The following SYNPO2 variants were observed in gnomAD, a reference collection of about 807,000 sequenced individuals.
SYNPO2 encodes synaptopodin 2.
A neutral mutation model predicts 85.0 loss-of-function variants in SYNPO2; 56 were observed. The observed-to-expected ratio is 0.66, with a 90% CI of 0.53 to 0.82. SYNPO2 has a LOEUF of 0.82. SYNPO2 is among the 40% of genes least tolerant of loss of function. The pLI is 0.00. For synonymous variants in SYNPO2, 602 were observed against 591.1 expected, an observed-to-expected ratio of 1.02 and a Z score of -0.27; for missense variants, 1,575 against 1,534.2, an observed-to-expected ratio of 1.03 and a Z score of -0.44.
At chr4:118,906,678 A>G (rs143938165) in intron 1 of SYNPO2, among the ~76,000 whole-genome samples, 2,649 of 152,212 alleles carry the variant, frequency 0.017, 77 homozygotes, top group African/African-American at 0.061. Context: ...TATAATTTGT[A>G]TCTTTGTTTA....
At chr4:118,905,294 A>G (rs769055752) in intron 1 of SYNPO2, among the ~76,000 whole-genome samples, 20 of 152,026 alleles carry the variant, frequency 1.3e-4, no homozygotes, top group Non-Finnish European at 1.0e-4. Flanking sequence ...CTCTCTATTC[A>G]CTGCTCCTAT....
intron 3 of SYNPO2, among the ~76,000 whole-genome samples, chr4:119,028,299 A>G (rs189548326): frequency 5.4e-4 from 81 of 150,846 alleles, no homozygotes; most frequent in Middle Eastern, 3.4e-3. Flanking sequence ...ACTTGACTGT[A>G]TATATGATAC....
intron 1 of SYNPO2, among the ~76,000 whole-genome samples, chr4:118,986,178 C>T (rs987892462): frequency 1.3e-5 from 2 of 152,090 alleles, no homozygotes; most frequent in Non-Finnish European, 2.9e-5. Flanking sequence ...ATATTTAAAC[C>T]CACCCTATGG....
intron 3 of SYNPO2, among the ~76,000 whole-genome samples, chr4:119,027,759 T>C (rs1738035091): frequency 6.6e-6 from 1 of 152,178 alleles, no homozygotes; most frequent in Non-Finnish European, 1.5e-5. Context: ...ATAGTTCATG[T>C]TAAAATAGCA....
chr4:118,866,804 C>T (rs1287639048), intron 1 of SYNPO2, among the ~76,000 whole-genome samples: 1 of 152,154 alleles, frequency 6.6e-6, no homozygotes, highest in Non-Finnish European at 1.5e-5. Flanking sequence ...CCTTCAGCCA[C>T]GACTGTAGGT....
At chr4:119,012,393 T>TTTTTATTTTA (rs1553946399) in intron 1 of SYNPO2, among the ~76,000 whole-genome samples, 2 of 130,816 alleles carry the variant, frequency 1.5e-5, no homozygotes, top group Admixed American at 8.0e-5. Flanking sequence ...TTTTTTTTTT[T>TTTTTATTTTA]ATTTTACTTT....
intron 4 of SYNPO2, chr4:119,035,396 C>G: frequency 1.0e-6 from 1 of 985,372 alleles, no homozygotes; most frequent in Non-Finnish European, 1.2e-6. Context: ...TGAGCATTGC[C>G]ACTTTAATCT....
chr4:118,887,100 C>T (rs1732211687), upstream of SYNPO2, among the ~76,000 whole-genome samples: 1 of 151,970 alleles, frequency 6.6e-6, no homozygotes, highest in African/African-American at 2.4e-5. Flanking sequence ...CCTCTGGTTT[C>T]CTGCCACATC....
At chr4:119,044,682 C>T (rs1037059322) in intron 4 of SYNPO2, among the ~76,000 whole-genome samples, 3 of 151,944 alleles carry the variant, frequency 2.0e-5, no homozygotes, top group African/African-American at 7.3e-5. Context: ...TGTTTTTGAC[C>T]AGGAAAACAT....
intron 1 of SYNPO2, among the ~76,000 whole-genome samples, chr4:118,907,507 C>T (rs1732977368): frequency 1.3e-5 from 2 of 152,118 alleles, no homozygotes; most frequent in African/African-American, 4.8e-5. Context: ...TTCATCTATT[C>T]CTTAAACCGC....
intron 1 of SYNPO2, among the ~76,000 whole-genome samples, chr4:118,928,562 A>G (rs948424898): frequency 1.3e-5 from 2 of 152,186 alleles, no homozygotes; most frequent in African/African-American, 4.8e-5. Flanking sequence ...TGGCACCCAC[A>G]TATTTGCAGT....
chr4:118,978,929 T>C (rs1735897841), intron 1 of SYNPO2, among the ~76,000 whole-genome samples: 1 of 152,128 alleles, frequency 6.6e-6, no homozygotes, highest in Admixed American at 6.6e-5. Flanking sequence ...TTGAATTGAA[T>C]TCTGCTTTTC....
chr4:118,900,703 C>CTCTCTATATATATATATA (rs1277981772), intron 1 of SYNPO2, among the ~76,000 whole-genome samples: 23 of 43,844 alleles, frequency 5.2e-4, no homozygotes, highest in Non-Finnish European at 1.0e-3. Flanking sequence ...CTCTCTCTCT[C>CTCTCTATATATATATATA]TATATATATA....
intron 1 of SYNPO2, among the ~76,000 whole-genome samples, chr4:118,969,418 GT>G (rs1735446783): frequency 8.6e-6 from 1 of 116,166 alleles, no homozygotes; most frequent in Non-Finnish European, 1.9e-5. Flanking sequence ...AAAAAAGTAC[GT>G]TTCTCTCCCG....
intron 1 of SYNPO2, among the ~76,000 whole-genome samples, chr4:118,851,982 G>A (rs1731427875): frequency 6.6e-6 from 1 of 152,130 alleles, no homozygotes. Context: ...TTGCAATGTG[G>A]AATCTGAAAC....
At chr4:119,027,616 G>A (rs1578657075) in intron 3 of SYNPO2, among the ~76,000 whole-genome samples, 178 bp downstream of exon 3, 1 of 152,148 alleles carries the variant, frequency 6.6e-6, no homozygotes, top group African/African-American at 2.4e-5. Context: ...TTTCTAAATA[G>A]GAAGCAATAA....
intron 1 of SYNPO2, among the ~76,000 whole-genome samples, chr4:119,005,213 C>T (rs1464891272): frequency 1.3e-5 from 2 of 152,168 alleles, no homozygotes; most frequent in African/African-American, 2.4e-5. Flanking sequence ...TTTTGCTGTG[C>T]AGAAGCTCTT....
intron 1 of SYNPO2, among the ~76,000 whole-genome samples, chr4:118,877,399 A>C (rs2110576779): frequency 6.6e-6 from 1 of 152,348 alleles, no homozygotes; most frequent in Admixed American, 6.5e-5. Flanking sequence ...ACAGCAAAAG[A>C]AACTATTAAA....
chr4:119,054,778 G>T (rs1266227108), intron 4 of SYNPO2, among the ~76,000 whole-genome samples: 1 of 152,212 alleles, frequency 6.6e-6, no homozygotes, highest in Non-Finnish European at 1.5e-5. Flanking sequence ...AACAGGAATA[G>T]AAGTTCTCAC....
Sources: gnomAD v4.1 joint callset for allele counts (sites outside exome capture counted in the v4.1 genomes callset) on GRCh38, gnomAD v4.1.1 for gene constraint, MANE v1.5 for transcripts, NCBI Gene and HGNC (gene_info 2026-07-23, HGNC 2026-07-21) for gene names.